KCNG3: variants seen among roughly 807,000 people sequenced by gnomAD.
The protein encoded by KCNG3 is voltage-gated potassium channel regulatory subunit KCNG3.
Under a neutral mutation model 29.0 loss-of-function variants are expected in KCNG3, and 15 were observed. The ratio of observed to expected loss-of-function variants is 0.52; its 90% CI spans 0.35 to 0.80. KCNG3 has a LOEUF of 0.80. Ranked by LOEUF, KCNG3 falls within the 30% of genes least tolerant of loss-of-function variation. KCNG3 has a pLI of 0.01. For missense variants in KCNG3, 512 were observed against 605.7 expected, an observed-to-expected ratio of 0.85 and a Z score of 1.62; for synonymous variants, 322 against 248.9, an observed-to-expected ratio of 1.29 and a Z score of -2.76.
the KCNG3 span, among the ~76,000 whole-genome samples, chr2:42,394,284 T>C: frequency 6.6e-6 from 1 of 151,442 alleles, no homozygotes; most frequent in Admixed American, 6.6e-5. Context: ...CAGGGAAGAG[T>C]AGACATAGGG....
chr2:42,464,708 C>A (rs1673098738), intron 1 of KCNG3, among the ~76,000 whole-genome samples: 1 of 152,154 alleles, frequency 6.6e-6, no homozygotes, highest in African/African-American at 2.4e-5. Context: ...CAGCATCAAC[C>A]AGGCCTTCAA....
chr2:42,388,908 TG>T, the KCNG3 span, among the ~76,000 whole-genome samples: 1 of 152,082 alleles, frequency 6.6e-6, no homozygotes, highest in Admixed American at 6.6e-5. Context: ...TAGATTACTT[TG>T]TTTTGGTTTT....
At chr2:42,435,289 C>A in the KCNG3 span, among the ~76,000 whole-genome samples, 1 of 152,088 alleles carries the variant, frequency 6.6e-6, no homozygotes, top group Non-Finnish European at 1.5e-5. Flanking sequence ...GGCTGGGCAA[C>A]AAGAGCAAAA....
chr2:42,394,838 G>A, the KCNG3 span, among the ~76,000 whole-genome samples: 33 of 152,274 alleles, frequency 2.2e-4, no homozygotes, highest in South Asian at 3.3e-3. Flanking sequence ...CCTCAACCTT[G>A]GCAACATAAA....
At chr2:42,464,681 T>C (rs1178773135) in intron 1 of KCNG3, among the ~76,000 whole-genome samples, 1 of 152,168 alleles carries the variant, frequency 6.6e-6, no homozygotes, top group Non-Finnish European at 1.5e-5. Flanking sequence ...TTTGCACATC[T>C]ACCCTCCCTT....
chr2:42,448,437 G>A (rs576661697), intron 1 of KCNG3, among the ~76,000 whole-genome samples: 1 of 151,672 alleles, frequency 6.6e-6, no homozygotes, highest in South Asian at 2.1e-4. Flanking sequence ...TCCCCCACTG[G>A]TTTGAAATGG....
chr2:42,491,811 G>A (rs1464466211), intron 1 of KCNG3, among the ~76,000 whole-genome samples: 2 of 152,206 alleles, frequency 1.3e-5, no homozygotes, highest in Admixed American at 1.3e-4. Context: ...TTCCGAACAT[G>A]TACATGCCTA....
intron 1 of KCNG3, among the ~76,000 whole-genome samples, chr2:42,477,422 C>CAGACACATAT (rs11280811): frequency 2.9e-4 from 12 of 40,784 alleles, no homozygotes; most frequent in African/African-American, 7.9e-4. Flanking sequence ...CACACACACA[C>CAGACACATAT]ATATATTTTT....
In KCNG3 at chr2:42,493,122, TAGA is replaced by T. The variant is rs770003189; in HGVS notation, c.377_379del (p.Phe126del). Reference sequence around the variant, plus strand: ...CAGCACGCCCGGCTCGTCGGCCGAGTAGAAGGTGTAGGTGTCGGACATGCGGTC... The same window carrying T: ...CAGCACGCCCGGCTCGTCGGCCGAGTAGGTGTAGGTGTCGGACATGCGGTC... On this transcript the variant is annotated inframe_deletion, in exon 1 of 2. Coordinates refer to ENST00000306078, the MANE Select transcript of KCNG3 (RefSeq NM_133329.6). 5.0e-6 allele frequency: 8 copies of T among 1,598,860 alleles called. No homozygotes were observed. The South Asian group carries it at 6.7e-5, about 13-fold the overall frequency.
the KCNG3 span, among the ~76,000 whole-genome samples, chr2:42,436,138 G>A: frequency 1.2e-4 from 18 of 152,232 alleles, no homozygotes; most frequent in African/African-American, 3.6e-4. Context: ...GACACAAAAG[G>A]CCAGCCACAT....
In KCNG3 at chr2:42,493,427, C is replaced by G; in HGVS notation, c.75G>C (p.Glu25Asp). The G allele has an allele frequency of 6.7e-7, 1 of 1,488,622 alleles. No homozygotes were observed. The highest frequency in any genetic ancestry group is 8.9e-7 in the Non-Finnish European group (1 of 1,124,102). 92.2% of individuals were successfully genotyped at this position (1,488,622 alleles called of 1,614,324 possible). ...GGCGCAGCGGGAAGTCCTTCAGCAGCTCCCGGGACAGCGAATACCGGGCGC... is the reference window on the plus strand; with the variant it reads ...GGCGCAGCGGGAAGTCCTTCAGCAGGTCCCGGGACAGCGAATACCGGGCGC... The part of the protein sequence containing the change: ...VGGARYSLSR[E>D]LLKDFPLRRV... Residue 25 changes from glutamate (E) to aspartate (D), a missense_variant, in exon 1 of 2, where the codon GAG becomes GAC. By Grantham distance (45) the Glu-to-Asp change is conservative. Transcript: ENST00000306078.
intron 1 of KCNG3, among the ~76,000 whole-genome samples, chr2:42,451,944 G>A (rs1206332612): frequency 1.3e-5 from 2 of 151,790 alleles, no homozygotes; most frequent in African/African-American, 4.8e-5. Context: ...ATACAATCAA[G>A]AGTGAAAGGG....
At chr2:42,412,080 C>A in the KCNG3 span, among the ~76,000 whole-genome samples, 1 of 152,220 alleles carries the variant, frequency 6.6e-6, no homozygotes, top group Non-Finnish European at 1.5e-5. Context: ...TACCCCTGGA[C>A]TCAATATTCC....
At chr2:42,462,590 G>A (rs890404318) in intron 1 of KCNG3, among the ~76,000 whole-genome samples, 9 of 152,138 alleles carry the variant, frequency 5.9e-5, no homozygotes, top group African/African-American at 1.4e-4. Context: ...GCTGAGGCAC[G>A]AGAATCACTT....
chr2:42,435,073 C>T, the KCNG3 span, among the ~76,000 whole-genome samples: 3 of 152,078 alleles, frequency 2.0e-5, no homozygotes, highest in Non-Finnish European at 2.9e-5. Context: ...GAGGCCAAGG[C>T]GGGTGGATCA....
chr2:42,459,884 G>A (rs904534570), intron 1 of KCNG3, among the ~76,000 whole-genome samples: 1 of 151,866 alleles, frequency 6.6e-6, no homozygotes, highest in African/African-American at 2.4e-5. Context: ...GCTGAGGCAG[G>A]AGAATGGTGT....
At chr2:42,455,134 T>A (rs532958300) in intron 1 of KCNG3, among the ~76,000 whole-genome samples, 1 of 152,326 alleles carries the variant, frequency 6.6e-6, no homozygotes, top group South Asian at 2.1e-4. Context: ...AGAGCCTTAA[T>A]ACAGAACTTT....
At chr2:42,470,901 G>A (rs574314095) in intron 1 of KCNG3, among the ~76,000 whole-genome samples, 17 of 152,084 alleles carry the variant, frequency 1.1e-4, no homozygotes, top group African/African-American at 3.9e-4. Flanking sequence ...TCTCACACCT[G>A]TAATCCCAGC....
At chr2:42,402,306 G>A in the KCNG3 span, among the ~76,000 whole-genome samples, 1 of 152,204 alleles carries the variant, frequency 6.6e-6, no homozygotes, top group African/African-American at 2.4e-5. Context: ...AATATCATAT[G>A]AGCCAGTTCC....
Sources: allele counts gnomAD v4.1 joint callset (sites outside exome capture counted in the v4.1 genomes callset), GRCh38; gene constraint gnomAD v4.1.1; transcripts MANE v1.5; gene names NCBI Gene and HGNC (gene_info 2026-07-23, HGNC 2026-07-21).